TCEANC: variants seen among roughly 807,000 people sequenced by gnomAD.
TCEANC encodes transcription elongation factor A N-terminal and central domain containing.
TCEANC carries 8 observed loss-of-function variants against 8.7 expected under a neutral mutation model. The observed-to-expected ratio is 0.92, with a 90% CI of 0.54 to 1.65. The LOEUF (loss-of-function observed/expected upper bound fraction) is 1.65. TCEANC is among the 40% of genes most tolerant of loss of function. TCEANC has a pLI of 0.00. For missense variants in TCEANC, 255 were observed against 251.9 expected (o/e 1.01, Z -0.08); for synonymous variants, 78 against 92.9 (o/e 0.84, Z 0.92).
intron 1 of TCEANC, among the ~76,000 whole-genome samples, chrX:13,658,508 A>AT (rs2090185699): frequency 8.9e-6 from 1 of 111,888 alleles, no homozygotes; most frequent in South Asian, 3.7e-4. Context: ...ATGAGCATGC[A>AT]TTGTTTTCAT....
chrX:13,655,250 C>CT (rs2045916540), upstream of TCEANC: 4 of 112,034 alleles, frequency 3.6e-5, no homozygotes, highest in Non-Finnish European at 7.5e-5. Context: ...CAGGTTTCCT[C>CT]ACCTGTAAGA....
At chrX:13,662,451 G>A (rs2045973286) in intron 1 of TCEANC, 50 bp from the exon 5 acceptor site, 6 of 1,110,352 alleles carry the variant, frequency 5.4e-6, no homozygotes, top group Non-Finnish European at 6.0e-6. Flanking sequence ...CAGAAGCTGC[G>A]ACTAGCAACG....
chrX:13,663,535 TG>T lies in TCEANC; in HGVS notation c.1029del (p.Trp343CysfsTer17). The T allele has an allele frequency of 8.6e-7, 1 of 1,159,268 alleles. No homozygotes were observed. Among genetic ancestry groups the T allele is most frequent in the Admixed American group, 2.6e-5 (1 of 38,066 alleles). On this transcript the variant is annotated frameshift_variant, in exon 2 of 2. Coordinates refer to ENST00000380600, the Ensembl canonical transcript of TCEANC. LOFTEE classifies it high-confidence loss of function. ...AATTTGTAACGAATGTGGGGAGCAG[TG>T]GTACCATAGCAAGTGGGTGTGCTGG...
upstream of TCEANC, among the ~76,000 whole-genome samples, chrX:13,654,409 C>T (rs142731103): frequency 2.4e-3 from 272 of 112,653 alleles, no homozygotes; most frequent in Middle Eastern, 4.6e-3. Context: ...TCTGCTGTTG[C>T]TGCTACAATA....
chrX:13,655,800 T>G (rs2045920166), intron 1 of TCEANC, among the ~76,000 whole-genome samples: 1 of 112,796 alleles, frequency 8.9e-6, no homozygotes, highest in Non-Finnish European at 1.9e-5. Flanking sequence ...GCAGCCAGGC[T>G]TGAGAACCAC....
chrX:13,657,481 T>G (rs2045931960), intron 1 of TCEANC, among the ~76,000 whole-genome samples: 2 of 112,374 alleles, frequency 1.8e-5, no homozygotes, highest in Non-Finnish European at 3.8e-5. Flanking sequence ...ATCCAGCAGA[T>G]TCAAGATAAA....
intron 1 of TCEANC, among the ~76,000 whole-genome samples, chrX:13,656,555 TA>T (rs1407046411): frequency 4.5e-5 from 5 of 112,199 alleles, no homozygotes; most frequent in African/African-American, 6.5e-5. Context: ...CTCAAAAAAT[TA>T]AAAATAGAAT....
chrX:13,662,753 C>T (rs372209056), exon 2 of TCEANC: 17 of 1,211,589 alleles, frequency 1.4e-5, no homozygotes, highest in Non-Finnish European at 1.9e-5. Flanking sequence ...TATAAGCAGA[C>T]TCACTCCAAA....
chrX:13,654,254 T>C (rs2045906417), upstream of TCEANC, among the ~76,000 whole-genome samples: 1 of 113,118 alleles, frequency 8.8e-6, no homozygotes, highest in Non-Finnish European at 1.9e-5. Flanking sequence ...ATATTTGTGG[T>C]TTACATGTTA....
chrX:13,663,913 T>G, exon 2 of TCEANC: 1 of 160,436 alleles, frequency 6.2e-6, no homozygotes, highest in Non-Finnish European at 1.3e-5. Context: ...TCTTCCAGGA[T>G]AGGATAGTTT....
At chrX:13,655,590 G>A (rs1307015627) in intron 1 of TCEANC, among the ~76,000 whole-genome samples, 1 of 112,096 alleles carries the variant, frequency 8.9e-6, no homozygotes, top group East Asian at 2.8e-4. Context: ...GGGGCTGATG[G>A]CAGCCTAACT....
At chrX:13,660,854 AT>A (rs1346456280) in intron 1 of TCEANC, among the ~76,000 whole-genome samples, 176 bp from the exon 4 acceptor site, 2 of 109,624 alleles carry the variant, frequency 1.8e-5, no homozygotes, top group Admixed American at 9.7e-5. Context: ...ATTTATTATT[AT>A]TTTTTTTTAG....
upstream of TCEANC, among the ~76,000 whole-genome samples, chrX:13,654,077 A>G (rs1029199503): frequency 8.9e-6 from 1 of 112,737 alleles, no homozygotes; most frequent in Non-Finnish European, 1.9e-5. Context: ...AGTGTAAGAC[A>G]CAGTGAATTT....
At chrX:13,663,007 C>T in exon 2 of TCEANC, 1 of 1,211,212 alleles carries the variant, frequency 8.3e-7, no homozygotes. Context: ...GAGTGAGTTG[C>T]TGGATCCCAC....
upstream of TCEANC, chrX:13,653,182 C>G (rs1053185654): frequency 3.5e-5 from 4 of 113,055 alleles, no homozygotes; most frequent in Non-Finnish European, 7.5e-5. Context: ...TGCGCCTGCG[C>G]TTTTCGGTGA....
chrX:13,663,924 G>A (rs2045993505), exon 2 of TCEANC: 1 of 152,422 alleles, frequency 6.6e-6, no homozygotes, highest in African/African-American at 3.1e-5. Context: ...AGGATAGTTT[G>A]AGAAGTGCTA....
At chrX:13,653,180 C>G (rs1266744825), upstream of TCEANC, 1 of 113,035 alleles carries the variant, frequency 8.8e-6, no homozygotes, top group African/African-American at 3.2e-5. Context: ...ACTGCGCCTG[C>G]GCTTTTCGGT....
upstream of TCEANC, among the ~76,000 whole-genome samples, chrX:13,654,333 G>A (rs189859231): frequency 2.7e-5 from 3 of 112,780 alleles, no homozygotes; most frequent in Admixed American, 9.3e-5. Context: ...AATCCAGCCT[G>A]CCTGTTTTTG....
intron 1 of TCEANC, among the ~76,000 whole-genome samples, chrX:13,658,746 C>T (rs1469304190): frequency 9.0e-6 from 1 of 111,545 alleles, no homozygotes; most frequent in Non-Finnish European, 1.9e-5. Flanking sequence ...GTGCATCTCC[C>T]CTCAAACTTT....
Sources: allele counts gnomAD v4.1 joint callset (sites outside exome capture counted in the v4.1 genomes callset), GRCh38; gene constraint gnomAD v4.1.1; transcripts MANE v1.5; gene names NCBI Gene and HGNC (gene_info 2026-07-23, HGNC 2026-07-21).